SUGP2: variants seen among roughly 807,000 people sequenced by gnomAD.
SUGP2 encodes SURP and G-patch domain containing 2.
SUGP2 carries 24 observed loss-of-function variants against 90.5 expected under a neutral mutation model. The ratio of observed to expected loss-of-function variants is 0.27; its 90% CI spans 0.19 to 0.37. The LOEUF (loss-of-function observed/expected upper bound fraction) is 0.37. SUGP2 is among the 10% of genes least tolerant of loss of function. SUGP2 has a pLI of 1.00. For synonymous variants in SUGP2, 473 were observed against 513.4 expected, an observed-to-expected ratio of 0.92 and a Z score of 1.06; for missense variants, 1,233 against 1,363.3, an observed-to-expected ratio of 0.90 and a Z score of 1.51.
intron 4 of SUGP2, among the ~76,000 whole-genome samples, chr19:19,015,880 T>A (rs2058481808): frequency 6.6e-6 from 1 of 152,248 alleles, no homozygotes; most frequent in African/African-American, 2.4e-5. Context: ...TTCTTCAGGA[T>A]CTATTCTATC....
At chr19:19,019,065 T>C (rs2058610045) in intron 4 of SUGP2, 44 bp downstream of exon 4, 1 of 1,591,108 alleles carries the variant, frequency 6.3e-7, no homozygotes, top group African/African-American at 1.3e-5. Flanking sequence ...TTTTGCCATA[T>C]ACTCCATGAG....
At chr19:19,029,207 C>T (rs1287958001) in intron 2 of SUGP2, among the ~76,000 whole-genome samples, 26 of 148,648 alleles carry the variant, frequency 1.7e-4, no homozygotes, top group Non-Finnish European at 2.7e-4. Flanking sequence ...AGTGGCACAA[C>T]CTTGGCTCGC....
At chr19:19,028,192 C>G (rs963069623) in intron 2 of SUGP2, among the ~76,000 whole-genome samples, 4 of 152,180 alleles carry the variant, frequency 2.6e-5, no homozygotes, top group Non-Finnish European at 4.4e-5. Flanking sequence ...AAGGGGATGA[C>G]CTGGGCATCA....
intron 4 of SUGP2, among the ~76,000 whole-genome samples, chr19:19,010,622 A>C (rs1266025442): frequency 6.6e-6 from 1 of 152,128 alleles, no homozygotes; most frequent in Non-Finnish European, 1.5e-5. Context: ...CTGGAAACAC[A>C]AACCAGTCAC....
chr19:19,019,939 G>C (rs190568316), intron 3 of SUGP2, among the ~76,000 whole-genome samples: 34 of 128,660 alleles, frequency 2.6e-4, no homozygotes, highest in African/African-American at 9.4e-4. Context: ...CTGAGCTCAG[G>C]AGTTCAAGAC....
chr19:19,023,343 C>G (rs1363443230), intron 3 of SUGP2, among the ~76,000 whole-genome samples: 1 of 152,104 alleles, frequency 6.6e-6, no homozygotes, highest in Non-Finnish European at 1.5e-5. Context: ...TATTGAGAGA[C>G]AGGGTGATTC....
chr19:19,009,037 G>A (rs1019358772), intron 5 of SUGP2, among the ~76,000 whole-genome samples: 1 of 152,094 alleles, frequency 6.6e-6, no homozygotes, highest in Non-Finnish European at 1.5e-5. Flanking sequence ...TCAGCCTCCC[G>A]AGTAGCTGGG....
intron 8 of SUGP2, among the ~76,000 whole-genome samples, chr19:18,996,853 G>A (rs1441781871): frequency 1.3e-5 from 2 of 152,168 alleles, no homozygotes; most frequent in African/African-American, 4.8e-5. Context: ...ACTGCGCCTG[G>A]CTGATGTATT....
chr19:19,007,855 G>C (rs993774659), intron 6 of SUGP2, among the ~76,000 whole-genome samples: 1 of 151,242 alleles, frequency 6.6e-6, no homozygotes, highest in Non-Finnish European at 1.5e-5. Flanking sequence ...CGCCTCCCGG[G>C]TTTAAGCGAT....
chr19:19,011,139 T>TAA (rs761596499), intron 4 of SUGP2, among the ~76,000 whole-genome samples: 13 of 139,442 alleles, frequency 9.3e-5, no homozygotes, highest in African/African-American at 3.1e-4. Flanking sequence ...ACCCTATCTT[T>TAA]AAAAAAAAAA....
In SUGP2 at chr19:19,017,541, G is replaced by A. The variant is rs573894435; in HGVS notation, c.1850+1568C>T. 3.9e-5 allele frequency among the ~76,000 whole-genome samples: 6 copies of A among 152,254 alleles called. No homozygotes were observed. The East Asian group carries it at 1.2e-3, about 29-fold the overall frequency. ...AATCCCAGCACTTTGGGAGGCCAAG[G>A]CAGGCGGATCGCATGATTTCAGGAG... On this transcript the variant is annotated intron_variant, in intron 4 of 10. Transcript: ENST00000452918.
Position 18,991,300 on chromosome 19 carries a change from TCTC to T in SUGP2, c.*2438_*2440del, listed in dbSNP as rs1472565590. The T allele has an allele frequency of 6.6e-6, 1 of 152,390 alleles. No homozygotes were observed. Among genetic ancestry groups the T allele is most frequent in the Non-Finnish European group, 1.5e-5 (1 of 68,228 alleles). 9.4% of individuals were successfully genotyped at this position (152,390 alleles called of 1,614,324 possible). ...CTGGGGGCACGGAGGGCCAGTGGCA[TCTC>T]CTCTATCCCGGCTGGCCGGCAGCTG... On this transcript the variant is annotated 3_prime_UTR_variant, in exon 11 of 11. Coordinates refer to ENST00000452918, the MANE Select transcript of SUGP2 (RefSeq NM_001017392.5).
intron 6 of SUGP2, among the ~76,000 whole-genome samples, chr19:19,007,035 G>T (rs1191723547): frequency 6.6e-6 from 1 of 152,262 alleles, no homozygotes; most frequent in East Asian, 1.9e-4. Flanking sequence ...GGAGTTGAGA[G>T]CCCCCTCAGT....
In SUGP2 at chr19:19,025,687, G is replaced by A; in HGVS notation, c.661C>T (p.Gln221Ter). Reference sequence around the variant, plus strand: ...CCCTTTCCTAGGAGGGAACCTTCCTGGTCAACGATGTTTAGAGCTCGACCT... The same window carrying A: ...CCCTTTCCTAGGAGGGAACCTTCCTAGTCAACGATGTTTAGAGCTCGACCT... ...ARGRALNIVD[Q>*]EGSLLGKGET... The change falls in exon 3 of 11, where the codon CAG becomes TAG. Residue 221 changes from glutamine (Q) to a stop codon, truncating the protein, a stop_gained. Coordinates refer to ENST00000452918, the MANE Select transcript of SUGP2 (RefSeq NM_001017392.5). LOFTEE classifies it high-confidence loss of function. 1 of 1,614,026 alleles carries A rather than the reference G, an allele frequency of 6.2e-7. No homozygotes were observed. Among genetic ancestry groups the A allele is most frequent in the Non-Finnish European group, 8.5e-7 (1 of 1,179,996 alleles).
In SUGP2 at chr19:19,030,931, A is replaced by G; in HGVS notation, c.121+20T>C. The G allele has an allele frequency of 6.2e-7, 1 of 1,602,236 alleles. No homozygotes were observed. On this transcript the variant is annotated intron_variant, in intron 2 of 10. Coordinates refer to ENST00000452918, the MANE Select transcript of SUGP2 (RefSeq NM_001017392.5). ...CACCCCTACCAAAACAACAACTACA[A>G]CAACAACACTTTATTTTACCTTGAG...
At position 19,005,728 on chromosome 19, in the gene SUGP2, G is replaced by A. The variant is rs150862351; in HGVS notation, c.2451-1082C>T. ...CTCACTCTGTCGTCCAGGCTAGAGT[G>A]CAGTGGTGTGATCACAGCTCACTGC... is the stretch of plus-strand genomic sequence containing the variant. On this transcript the variant is annotated intron_variant, in intron 6 of 10. Coordinates refer to ENST00000452918, the MANE Select transcript of SUGP2 (RefSeq NM_001017392.5). Among the ~76,000 whole-genome samples the A allele has an allele frequency of 1.3e-3, 198 of 152,082 alleles. 1 individual carries two copies. The Middle Eastern group carries it at 0.014, about 10-fold the overall frequency.
intron 2 of SUGP2, 24 bp downstream of exon 2, chr19:19,030,924 AACT>A: frequency 1.0e-5 from 16 of 1,598,574 alleles, no homozygotes; most frequent in Non-Finnish European, 1.4e-5. Flanking sequence ...CCAAAACAAC[AACT>A]ACAACAACAA....
rs776247801 is a variant in SUGP2, at chr19:19,004,653, C to A, written c.2451-7G>T. 1 of 1,585,486 alleles carries A rather than the reference C, an allele frequency of 6.3e-7. No individual in the cohort carries two copies. The highest frequency in any genetic ancestry group is 1.1e-5 in the South Asian group (1 of 87,884). ...ATTTTGGTCATGTAGAAACCTGGGG[C>A]ACAGAGGAAATACATTGGGTAACCA... On this transcript the variant is annotated splice_polypyrimidine_tract_variant and splice_region_variant and intron_variant, in intron 6 of 10. Coordinates refer to ENST00000452918, the MANE Select transcript of SUGP2 (RefSeq NM_001017392.5).
chr19:19,026,511 C>A (rs1356101316), intron 2 of SUGP2, among the ~76,000 whole-genome samples: 2 of 152,184 alleles, frequency 1.3e-5, no homozygotes, highest in Non-Finnish European at 2.9e-5. Flanking sequence ...GCCTGACGGG[C>A]AAGACACAGA....
Sources: allele counts gnomAD v4.1 joint callset (sites outside exome capture counted in the v4.1 genomes callset), GRCh38; gene constraint gnomAD v4.1.1; transcripts MANE v1.5; gene names NCBI Gene and HGNC (gene_info 2026-07-23, HGNC 2026-07-21).